The following INVS variants were observed in gnomAD, a reference collection of about 807,000 sequenced individuals.
The protein encoded by INVS is inversion of embryo turning homolog.
Under a neutral mutation model 108.8 loss-of-function variants are expected in INVS, and 86 were observed. The ratio of observed to expected loss-of-function variants is 0.79; its 90% CI spans 0.66 to 0.95. The LOEUF (loss-of-function observed/expected upper bound fraction) is 0.95. Ranked by LOEUF, INVS falls within the 40% of genes least tolerant of loss-of-function variation. The pLI, the probability that INVS is intolerant of heterozygous loss-of-function variation, is 0.00. For missense variants in INVS, 1,169 were observed against 1,297.4 expected (o/e 0.90, Z 1.52); for synonymous variants, 455 against 473.5 (o/e 0.96, Z 0.51).
At chr9:100,239,888 G>A (rs1831810719) in intron 5 of INVS, among the ~76,000 whole-genome samples, 172 bp from the exon 6 acceptor site, 1 of 152,078 alleles carries the variant, frequency 6.6e-6, no homozygotes, top group Non-Finnish European at 1.5e-5. Flanking sequence ...AGGATTGCTT[G>A]AGCCCAGGAG....
intron 7 of INVS, among the ~76,000 whole-genome samples, chr9:100,243,181 CA>C (rs1831933641): frequency 6.6e-6 from 1 of 152,126 alleles, no homozygotes; most frequent in African/African-American, 2.4e-5. Flanking sequence ...AGTGTTCAGC[CA>C]CGTGTAATTG....
intron 8 of INVS, among the ~76,000 whole-genome samples, chr9:100,249,630 G>T (rs1406619629): frequency 1.3e-5 from 2 of 151,810 alleles, no homozygotes; most frequent in African/African-American, 2.4e-5. Context: ...TAGTAGCTGG[G>T]ACTACAGGTG....
intron 3 of INVS, among the ~76,000 whole-genome samples, chr9:100,144,144 T>C (rs1171480876): frequency 6.6e-6 from 1 of 152,052 alleles, no homozygotes; most frequent in Non-Finnish European, 1.5e-5. Context: ...TGGCCAGATG[T>C]CCGGCACTTG....
At chr9:100,212,922 G>A (rs914452911) in intron 3 of INVS, among the ~76,000 whole-genome samples, 1 of 152,048 alleles carries the variant, frequency 6.6e-6, no homozygotes, top group African/African-American at 2.4e-5. Flanking sequence ...TGGATGGCTG[G>A]AACAACAGAC....
At chr9:100,296,866 T>C in intron 14 of INVS, 51 bp from the exon 15 acceptor site, 1 of 1,434,216 alleles carries the variant, frequency 7.0e-7, no homozygotes, top group Non-Finnish European at 9.8e-7. Context: ...GGAAATTTAG[T>C]TTTCTCAGTA....
intron 3 of INVS, among the ~76,000 whole-genome samples, chr9:100,155,138 G>T (rs1324899628): frequency 6.6e-6 from 1 of 151,388 alleles, no homozygotes; most frequent in African/African-American, 2.4e-5. Flanking sequence ...TTGAACCCGG[G>T]AGGCAGAGGT....
At chr9:100,213,843 C>A (rs750649123) in intron 3 of INVS, among the ~76,000 whole-genome samples, 7 of 152,174 alleles carry the variant, frequency 4.6e-5, no homozygotes, top group Admixed American at 3.3e-4. Flanking sequence ...ATTACCTCAT[C>A]TCTCCAGTTG....
intron 1 of INVS, among the ~76,000 whole-genome samples, chr9:100,100,616 ATATGTATATATAATATATATAT>A: frequency 1.1e-5 from 1 of 90,724 alleles, no homozygotes; most frequent in East Asian, 2.7e-4. Flanking sequence ...TATATATAAT[ATATGTATATATAATATATATAT>A]TATATATGTA....
chr9:100,289,174 C>A (rs1321961474), intron 13 of INVS, among the ~76,000 whole-genome samples: 1 of 152,174 alleles, frequency 6.6e-6, no homozygotes, highest in Non-Finnish European at 1.5e-5. Context: ...TGAACTGTAT[C>A]TACAGCTCCA....
At chr9:100,142,038 T>G (rs1482318627) in intron 3 of INVS, among the ~76,000 whole-genome samples, 1 of 152,216 alleles carries the variant, frequency 6.6e-6, no homozygotes, top group Non-Finnish European at 1.5e-5. Context: ...GTTGGAATGC[T>G]AGCTGCTTGT....
At chr9:100,277,421 TC>T (rs1279241703) in intron 12 of INVS, among the ~76,000 whole-genome samples, 1 of 152,202 alleles carries the variant, frequency 6.6e-6, no homozygotes, top group Non-Finnish European at 1.5e-5. Context: ...CTTCCATAGT[TC>T]TATTTCATGC....
At chr9:100,136,013 T>C (rs1341495541) in intron 3 of INVS, among the ~76,000 whole-genome samples, 2 of 152,104 alleles carry the variant, frequency 1.3e-5, no homozygotes, top group African/African-American at 4.8e-5. Context: ...ATTTGTTTCA[T>C]CTTTTTTACT....
intron 3 of INVS, among the ~76,000 whole-genome samples, chr9:100,186,879 ATTTTTG>A (rs1830069608): frequency 1.3e-5 from 2 of 151,520 alleles, no homozygotes; most frequent in Admixed American, 6.6e-5. Context: ...GGTCTCATTT[ATTTTTG>A]TTTTTGTTAA....
intron 3 of INVS, among the ~76,000 whole-genome samples, chr9:100,128,689 C>A (rs1471345665): frequency 6.6e-6 from 1 of 152,154 alleles, no homozygotes; most frequent in Non-Finnish European, 1.5e-5. Context: ...ACATCTTCAC[C>A]TTAAACTTCC....
Position 100,138,519 on chromosome 9 carries a change from C to A in INVS, c.273+11970C>A, listed in dbSNP as rs554465955. On this transcript the variant is annotated intron_variant, in intron 3 of 16. Transcript: ENST00000262457. ...TGAGTTGAAGAAACATTATCATATA[C>A]TTCAACCATTAATGTTTCTGTACCC... is the stretch of plus-strand genomic sequence containing the variant. 2.0e-5 allele frequency among the ~76,000 whole-genome samples: 3 copies of A among 152,104 alleles called. No individual in the cohort carries two copies. The South Asian group carries it at 6.2e-4, about 32-fold the overall frequency.
Position 100,246,706 on chromosome 9 carries a change from G to T in INVS, c.997G>T (p.Gly333Cys), listed in dbSNP as rs746333759. The change falls in exon 8 of 17, where the codon GGC becomes TGC. Residue 333 changes from glycine to cysteine, a missense_variant. Gly to Cys is a radical substitution (Grantham distance 159). Coordinates refer to ENST00000262457, the MANE Select transcript of INVS (RefSeq NM_014425.5). ...ATCCTTTATGTGGGCAGCTGGCAAA[G>T]GCAGTGATGATGTCCTTAGAACTAT... ...RTSFMWAAGKGSDDVLRTMLS... is the reference protein window; with the variant it reads ...RTSFMWAAGKCSDDVLRTMLS... The T allele has an allele frequency of 7.4e-6, 12 of 1,613,846 alleles. No individual in the cohort carries two copies. Among genetic ancestry groups the T allele is most frequent in the Non-Finnish European group, 1.0e-5 (12 of 1,179,844 alleles).
chr9:100,287,235 C>G (rs1220984019), intron 13 of INVS, among the ~76,000 whole-genome samples: 1 of 152,220 alleles, frequency 6.6e-6, no homozygotes, highest in Non-Finnish European at 1.5e-5. Context: ...ACTAGACTGG[C>G]TTCCTTACAT....
intron 2 of INVS, among the ~76,000 whole-genome samples, chr9:100,117,837 A>C (rs529655580): frequency 3.3e-4 from 50 of 152,128 alleles, no homozygotes; most frequent in African/African-American, 1.1e-3. Context: ...GAGATAATTT[A>C]AGTCATGAGG....
At chr9:100,289,257 A>G (rs942052563) in intron 13 of INVS, among the ~76,000 whole-genome samples, 2 of 152,250 alleles carry the variant, frequency 1.3e-5, no homozygotes, top group African/African-American at 4.8e-5. Context: ...CTGAATAACA[A>G]GGTTCACTTC....
Sources: allele counts gnomAD v4.1 joint callset (sites outside exome capture counted in the v4.1 genomes callset), GRCh38; gene constraint gnomAD v4.1.1; transcripts MANE v1.5; gene names NCBI Gene and HGNC (gene_info 2026-07-23, HGNC 2026-07-21).